The following CDKN2B-AS1 variants were observed in gnomAD, a reference collection of about 807,000 sequenced individuals.
CDKN2B-AS1 encodes the protein CDKN2B and CDKN2A antisense cis and trans regulatory RNA 1.
chr9:22,118,893 G>A (rs1826026729), intron 4 of CDKN2B-AS1: 1 of 152,186 alleles, frequency 6.6e-6, no homozygotes, highest in Non-Finnish European at 1.5e-5. Context: ...TTGTTAAATG[G>A]ATGGGGAGAT....
intron 3 of CDKN2B-AS1, among the ~76,000 whole-genome samples, chr9:22,050,461 T>C (rs1823298737): frequency 6.6e-6 from 1 of 152,164 alleles, no homozygotes; most frequent in Non-Finnish European, 1.5e-5. Flanking sequence ...GAAAGGAGTA[T>C]TTGGGAGCAG....
chr9:22,122,476 C>A (rs565971878), intron 4 of CDKN2B-AS1, among the ~76,000 whole-genome samples: 38 of 152,190 alleles, frequency 2.5e-4, no homozygotes, highest in African/African-American at 8.7e-4. Flanking sequence ...TTGCCCAGAC[C>A]AAGGTCCTGA....
intron 1 of CDKN2B-AS1, among the ~76,000 whole-genome samples, chr9:22,023,202 T>C (rs1031843139): frequency 4.6e-5 from 7 of 152,216 alleles, no homozygotes; most frequent in East Asian, 3.8e-4. Context: ...TCATGGATGA[T>C]ATTTTAAAAT....
At chr9:22,037,724 T>C (rs1471358398) in intron 1 of CDKN2B-AS1, among the ~76,000 whole-genome samples, 1 of 152,094 alleles carries the variant, frequency 6.6e-6, no homozygotes, top group Non-Finnish European at 1.5e-5. Context: ...ATTTAATTCA[T>C]TCAGGGAACT....
chr9:22,032,416 G>C (rs1463157655), intron 1 of CDKN2B-AS1, among the ~76,000 whole-genome samples: 2 of 151,946 alleles, frequency 1.3e-5, no homozygotes, highest in Non-Finnish European at 2.9e-5. Flanking sequence ...AAACACAAAA[G>C]CAATGTCTGT....
At chr9:22,099,870 T>C (rs1825423236) in intron 4 of CDKN2B-AS1, among the ~76,000 whole-genome samples, 1 of 152,188 alleles carries the variant, frequency 6.6e-6, no homozygotes, top group Non-Finnish European at 1.5e-5. Context: ...GTCTCTAGAA[T>C]GATACACAAG....
At chr9:22,104,035 C>G (rs1173516657) in intron 4 of CDKN2B-AS1, among the ~76,000 whole-genome samples, 1 of 152,104 alleles carries the variant, frequency 6.6e-6, no homozygotes, top group African/African-American at 2.4e-5. Context: ...TCTTATTAGT[C>G]AATATTGTGC....
At chr9:22,092,995 A>T (rs1825146783) in intron 4 of CDKN2B-AS1, among the ~76,000 whole-genome samples, 1 of 152,074 alleles carries the variant, frequency 6.6e-6, no homozygotes, top group African/African-American at 2.4e-5. Flanking sequence ...ACTGCTTTGA[A>T]TGTGTCCCAG....
intron 4 of CDKN2B-AS1, among the ~76,000 whole-genome samples, chr9:22,079,506 TAAAA>T (rs74958544): frequency 1.0e-5 from 1 of 98,816 alleles, no homozygotes; most frequent in East Asian, 2.8e-4. Context: ...AAACACCATC[TAAAA>T]AAAAAAAAAA....
chr9:22,088,787 T>C (rs1177977587), intron 4 of CDKN2B-AS1, among the ~76,000 whole-genome samples: 1 of 152,238 alleles, frequency 6.6e-6, no homozygotes, highest in Non-Finnish European at 1.5e-5. Context: ...TAAAGTCATC[T>C]TTATGAACTT....
chr9:22,025,012 C>A (rs953184483), intron 1 of CDKN2B-AS1, among the ~76,000 whole-genome samples: 1 of 152,180 alleles, frequency 6.6e-6, no homozygotes, highest in African/African-American at 2.4e-5. Flanking sequence ...CCCCTAGGGC[C>A]AAAGTCTATT....
In CDKN2B-AS1 at chr9:22,005,863, ACAGGCTTG is replaced by A; in HGVS notation, n.29+10710_29+10717del. 7.5e-7 allele frequency: 1 copy of A among 1,332,416 alleles called. No individual in the cohort carries two copies. 82.5% of individuals were successfully genotyped at this position (1,332,416 alleles called of 1,614,324 possible). ...GGCTCCTCCTTCCTGTGAGTCTCAG[ACAGGCTTG>A]CAGGCTTACAGGCTTTCCGCCGCTC... On this transcript the variant is annotated intron_variant and non_coding_transcript_variant, in intron 1 of 4. Coordinates refer to ENST00000650946, the Ensembl canonical transcript of CDKN2B-AS1. The surrounding 1 kb of genome is among the most constrained non-coding windows in gnomAD (Gnocchi z 4.9).
At position 21,996,764 on chromosome 9, in the gene CDKN2B-AS1, C is replaced by T. The variant is rs560237606; in HGVS notation, n.29+1603C>T. On this transcript the variant is annotated intron_variant and non_coding_transcript_variant, in intron 1 of 4. Coordinates refer to ENST00000650946, the Ensembl canonical transcript of CDKN2B-AS1. The surrounding 1 kb of genome is among the most constrained non-coding windows in gnomAD (Gnocchi z 5.4). ...AAGGGCGCTTTAGAAAGGGTTAGTTCATCCTGGAAGAAAAACGATGTCGGA... is the reference window on the plus strand; with the variant it reads ...AAGGGCGCTTTAGAAAGGGTTAGTTTATCCTGGAAGAAAAACGATGTCGGA... Among the ~76,000 whole-genome samples, 2 of 152,282 alleles carry T rather than the reference C, an allele frequency of 1.3e-5. No individual in the cohort carries two copies. The highest frequency in any genetic ancestry group is 1.3e-4 in the Admixed American group (2 of 15,306).
chr9:22,019,701 G>C (rs535923915), intron 1 of CDKN2B-AS1, among the ~76,000 whole-genome samples: 1 of 152,234 alleles, frequency 6.6e-6, no homozygotes, highest in South Asian at 2.1e-4. Context: ...AGACTAATTT[G>C]CATTAACAGC....
chr9:22,003,642 T>G (rs1821029702), intron 1 of CDKN2B-AS1: 1 of 230,324 alleles, frequency 4.3e-6, no homozygotes, highest in African/African-American at 2.2e-5. Flanking sequence ...CTCTAATGAT[T>G]GAGTGCTTAA....
At chr9:22,070,049 G>A (rs1271024410) in intron 4 of CDKN2B-AS1, among the ~76,000 whole-genome samples, 3 of 152,088 alleles carry the variant, frequency 2.0e-5, no homozygotes, top group Non-Finnish European at 1.5e-5. Flanking sequence ...CTCATTTTAT[G>A]AAAACCAAAT....
intron 4 of CDKN2B-AS1, among the ~76,000 whole-genome samples, chr9:22,062,754 T>G (rs1488173833): frequency 6.6e-6 from 1 of 151,024 alleles, no homozygotes; most frequent in Non-Finnish European, 1.5e-5. Flanking sequence ...ATTGTGTAGT[T>G]TTTTTTTTAA....
intron 1 of CDKN2B-AS1, among the ~76,000 whole-genome samples, chr9:22,015,500 A>G (rs919391837): frequency 6.6e-6 from 1 of 152,118 alleles, no homozygotes; most frequent in Non-Finnish European, 1.5e-5. Flanking sequence ...ATCTTGCCAA[A>G]TAATCTTGTT....
intron 1 of CDKN2B-AS1, chr9:22,009,349 G>A: frequency 2.6e-6 from 1 of 383,696 alleles, no homozygotes; most frequent in Admixed American, 4.5e-5. Context: ...CTGGGCCAAG[G>A]GGCCGGCGTC....
Sources: allele counts gnomAD v4.1 joint callset (sites outside exome capture counted in the v4.1 genomes callset), GRCh38; gene constraint gnomAD v4.1.1; non-coding constraint Gnocchi (gnomAD v3.1); transcripts MANE v1.5; gene names NCBI Gene and HGNC (gene_info 2026-07-23, HGNC 2026-07-21).